Variants in GUCY2F observed in about 807,000 individuals in gnomAD.
GUCY2F encodes the protein retinal guanylyl cyclase 2.
Under a neutral mutation model 73.1 loss-of-function variants are expected in GUCY2F, and 61 were observed. That is an observed-to-expected ratio of 0.83 (90% CI 0.68 to 1.03). The LOEUF (loss-of-function observed/expected upper bound fraction) is 1.03, where lower values mean the gene tolerates loss of function less well. Ranked by LOEUF, GUCY2F falls within the 50% of genes least tolerant of loss-of-function variation. The pLI is 0.00. For missense variants in GUCY2F, 912 were observed against 854.3 expected (o/e 1.07, Z -0.84); for synonymous variants, 331 against 307.8 (o/e 1.08, Z -0.79).
intron 1 of GUCY2F, among the ~76,000 whole-genome samples, chrX:109,476,621 A>G (rs1379198667): frequency 9.1e-6 from 1 of 110,448 alleles, no homozygotes; most frequent in African/African-American, 3.3e-5. Context: ...TGAGTACTGA[A>G]GAAAAGTTAG....
intron 7 of GUCY2F, among the ~76,000 whole-genome samples, chrX:109,431,468 G>A (rs1034860492): frequency 1.8e-5 from 2 of 110,996 alleles, no homozygotes; most frequent in Non-Finnish European, 3.8e-5. Flanking sequence ...GGAGGCTGAG[G>A]CGGGCGGATC....
At chrX:109,409,576 A>C (rs112213348) in intron 8 of GUCY2F, among the ~76,000 whole-genome samples, 6 of 111,290 alleles carry the variant, frequency 5.4e-5, no homozygotes, top group African/African-American at 2.0e-4. Context: ...CGGGGACCTC[A>C]ATTAATATAG....
intron 8 of GUCY2F, among the ~76,000 whole-genome samples, chrX:109,416,998 C>T (rs73530220): frequency 0.044 from 4,529 of 103,017 alleles, 289 homozygotes; most frequent in African/African-American, 0.14. Context: ...ACACAGATAA[C>T]TCATAATTCT....
intron 8 of GUCY2F, among the ~76,000 whole-genome samples, chrX:109,413,202 A>C (rs1476349602): frequency 8.9e-6 from 1 of 112,186 alleles, no homozygotes; most frequent in Non-Finnish European, 1.9e-5. Flanking sequence ...AGATGCCTAC[A>C]TGCAGTCATG....
intron 5 of GUCY2F, among the ~76,000 whole-genome samples, chrX:109,451,501 C>G (rs370448634): frequency 9.0e-6 from 1 of 111,619 alleles, no homozygotes; most frequent in African/African-American, 3.3e-5. Flanking sequence ...TTATTGAGCA[C>G]CTACTATGAG....
chrX:109,391,889 AT>A, intron 14 of GUCY2F, 21 bp downstream of exon 14: 1 of 1,065,273 alleles, frequency 9.4e-7, no homozygotes, highest in Non-Finnish European at 1.3e-6. Flanking sequence ...TATGGAATAT[AT>A]TTTCCTGCTA....
At chrX:109,381,266 T>A (rs1403675573) in intron 17 of GUCY2F, among the ~76,000 whole-genome samples, 1 of 112,104 alleles carries the variant, frequency 8.9e-6, no homozygotes, top group Non-Finnish European at 1.9e-5. Flanking sequence ...AAATAGTCAC[T>A]GAGAAAATCA....
intron 10 of GUCY2F, among the ~76,000 whole-genome samples, chrX:109,400,884 G>A (rs1265930441): frequency 8.9e-6 from 1 of 112,268 alleles, no homozygotes; most frequent in Non-Finnish European, 1.9e-5. Context: ...AGGCACCATG[G>A]TTTTGGAGAG....
intron 17 of GUCY2F, among the ~76,000 whole-genome samples, chrX:109,376,526 C>T (rs776093373): frequency 3.1e-4 from 35 of 112,186 alleles, no homozygotes; most frequent in Non-Finnish European, 6.0e-4. Flanking sequence ...TCTACCTACC[C>T]GCTTACCGTC....
chrX:109,459,578 T>C (rs1932324572), intron 3 of GUCY2F, among the ~76,000 whole-genome samples: 1 of 111,228 alleles, frequency 9.0e-6, no homozygotes, highest in South Asian at 3.8e-4. Context: ...AAAAAAACAG[T>C]GATGAAGTTA....
At chrX:109,450,435 A>G (rs891806779) in intron 5 of GUCY2F, among the ~76,000 whole-genome samples, 2 of 111,663 alleles carry the variant, frequency 1.8e-5, no homozygotes, top group African/African-American at 6.5e-5. Flanking sequence ...TAAACAGCTG[A>G]GTGATTCCAT....
intron 8 of GUCY2F, among the ~76,000 whole-genome samples, chrX:109,416,061 A>C (rs73530219): frequency 0.049 from 5,425 of 111,153 alleles, 315 homozygotes; most frequent in African/African-American, 0.16. Context: ...GGGTTTACCT[A>C]CAAGAACAAA....
At chrX:109,458,016 T>A (rs948032803) in intron 3 of GUCY2F, among the ~76,000 whole-genome samples, 1 of 111,764 alleles carries the variant, frequency 8.9e-6, no homozygotes, top group African/African-American at 3.2e-5. Flanking sequence ...CCTTGCCCAA[T>A]CATCCTGAGA....
rs1569372097 is a variant in GUCY2F at position 109,453,633 on chromosome X, C to A, written c.1259G>T (p.Ser420Ile). 8.4e-7 allele frequency: 1 copy of A among 1,197,541 alleles called. No individual in the cohort carries two copies. The highest frequency in any genetic ancestry group is 3.0e-5 in the East Asian group (1 of 33,788). The change falls in exon 4 of 20, where the codon AGC becomes ATC. Residue 420 changes from serine to isoleucine, a missense_variant. Ser to Ile is a moderately radical substitution (Grantham distance 142). Coordinates refer to ENST00000218006, the MANE Select transcript of GUCY2F (RefSeq NM_001522.3). ...DTNLKEWELHSTYTVDMEMEL... is the reference protein window; with the variant it reads ...DTNLKEWELHITYTVDMEMEL... ...CATTTCCATGTCCACAGTGTAGGTG[C>A]TATGGAGTTCCCATTCTTTCAAGTT... is the stretch of plus-strand genomic sequence containing the variant.
chrX:109,375,784 C>T, intron 19 of GUCY2F, 114 bp downstream of exon 19: 2 of 561,085 alleles, frequency 3.6e-6, no homozygotes, highest in Non-Finnish European at 6.2e-6. Context: ...AATTCTCCAG[C>T]TCCATCACAC....
intron 7 of GUCY2F, among the ~76,000 whole-genome samples, 171 bp from the exon 8 acceptor site, chrX:109,430,567 G>A (rs184031376): frequency 8.9e-6 from 1 of 112,280 alleles, no homozygotes; most frequent in East Asian, 2.8e-4. Context: ...GCTGAAATGA[G>A]GTCATGCACA....
chrX:109,451,861 T>C (rs763267374), intron 5 of GUCY2F, among the ~76,000 whole-genome samples, 162 bp downstream of exon 5: 2 of 111,609 alleles, frequency 1.8e-5, no homozygotes, highest in South Asian at 7.6e-4. Context: ...AACACTTCAC[T>C]CTAAATGGGG....
intron 8 of GUCY2F, among the ~76,000 whole-genome samples, chrX:109,421,182 A>C (rs1931363267): frequency 1.8e-5 from 2 of 111,483 alleles, no homozygotes; most frequent in Non-Finnish European, 3.8e-5. Context: ...ACTGCTATGG[A>C]AAACAGTATG....
chrX:109,400,220 G>T (rs1930807147), intron 10 of GUCY2F, among the ~76,000 whole-genome samples: 1 of 109,346 alleles, frequency 9.1e-6, no homozygotes, highest in Non-Finnish European at 1.9e-5. Flanking sequence ...CCTAAATGGG[G>T]GTGGGGGTAG....
Sources: allele counts gnomAD v4.1 joint callset (sites outside exome capture counted in the v4.1 genomes callset), GRCh38; gene constraint gnomAD v4.1.1; transcripts MANE v1.5; gene names NCBI Gene and HGNC (gene_info 2026-07-23, HGNC 2026-07-21).